NRG2: variants seen among roughly 807,000 people sequenced by gnomAD.
NRG2 encodes the protein neuregulin 2, also known as pro-neuregulin-2, membrane-bound isoform.
NRG2 carries 27 observed loss-of-function variants against 73.9 expected under a neutral mutation model. The ratio of observed to expected loss-of-function variants is 0.37; its 90% CI spans 0.27 to 0.50. The LOEUF is 0.50. Ranked by LOEUF, NRG2 falls within the 20% of genes least tolerant of loss-of-function variation. NRG2 has a pLI of 0.96. For missense variants in NRG2, 1,126 were observed against 1,210.1 expected (o/e 0.93, Z 1.03); for synonymous variants, 532 against 541.0 (o/e 0.98, Z 0.23).
At chr5:139,878,105 T>A (rs1763297220) in intron 3 of NRG2, among the ~76,000 whole-genome samples, 1 of 152,258 alleles carries the variant, frequency 6.6e-6, no homozygotes, top group Admixed American at 6.5e-5. Context: ...CCCCAAGCCC[T>A]GTGCAAGAGA....
intron 1 of NRG2, among the ~76,000 whole-genome samples, chr5:139,912,699 A>G (rs1478448049): frequency 6.6e-6 from 1 of 152,162 alleles, no homozygotes; most frequent in African/African-American, 2.4e-5. Context: ...AAATACCATA[A>G]TTTACCCAGG....
Position 139,981,117 on chromosome 5 carries a change from A to T in NRG2, c.700+61253T>A, listed in dbSNP as rs1006231776. Among the ~76,000 whole-genome samples, 3 of 152,230 alleles carry T rather than the reference A, an allele frequency of 2.0e-5. 1 individual carries two copies. Among genetic ancestry groups the T allele is most frequent in the Non-Finnish European group, 4.4e-5 (3 of 68,040 alleles). Reference sequence around the variant, plus strand: ...GATGAGGACCCAGAATAGAGCCAGCAGCATCTATGCTGGGCTTGCTGTACA... The same window carrying T: ...GATGAGGACCCAGAATAGAGCCAGCTGCATCTATGCTGGGCTTGCTGTACA... On this transcript the variant is annotated intron_variant, in intron 1 of 9. Transcript: ENST00000361474.
At chr5:139,899,690 A>G (rs1208755206) in intron 1 of NRG2, among the ~76,000 whole-genome samples, 1 of 152,172 alleles carries the variant, frequency 6.6e-6, no homozygotes, top group African/African-American at 2.4e-5. Flanking sequence ...TTATCTTTGT[A>G]TCCTCTCAAC....
In NRG2 at chr5:139,848,075, G is replaced by A. The variant is rs1263613825; in HGVS notation, c.2395C>T (p.Arg799Cys). Residue 799 changes from arginine (R) to cysteine (C), a missense_variant, in exon 10 of 10, where the codon CGT becomes TGT. This residue lies in a region of NRG2 where 402 missense variants were observed against 357.8 expected (regional missense o/e 1.12). Coordinates refer to ENST00000361474, the MANE Select transcript of NRG2 (RefSeq NM_004883.3). ...AAESTPFLGL[R>C]GAHDALRSDS... ...GAGCGCAGCGCGTCGTGCGCCCCAC[G>A]CAGGCCCAGGAAAGGTGTGCTCTCG... is the stretch of plus-strand genomic sequence containing the variant. 10 of 1,497,234 alleles carry A rather than the reference G, an allele frequency of 6.7e-6. No homozygotes were observed. The highest frequency in any genetic ancestry group is 8.8e-6 in the Non-Finnish European group (10 of 1,130,418). The allele number at this position is 1,497,234 out of a possible 1,614,324, so 92.7% of individuals were successfully genotyped here.
chr5:140,027,603 G>A (rs910505458), intron 1 of NRG2, among the ~76,000 whole-genome samples: 1 of 152,138 alleles, frequency 6.6e-6, no homozygotes, highest in African/African-American at 2.4e-5. Context: ...AGTATATATT[G>A]TTATAATTGT....
chr5:139,957,659 A>G (rs1275842384), intron 1 of NRG2, among the ~76,000 whole-genome samples: 1 of 152,178 alleles, frequency 6.6e-6, no homozygotes, highest in African/African-American at 2.4e-5. Context: ...TCCTGGGGTG[A>G]GGCACTCACT....
At chr5:139,935,646 C>T (rs1390151040) in intron 1 of NRG2, among the ~76,000 whole-genome samples, 1 of 151,952 alleles carries the variant, frequency 6.6e-6, no homozygotes, top group Non-Finnish European at 1.5e-5. Flanking sequence ...ACAACAGAAA[C>T]TAGAATATAT....
chr5:139,960,729 T>G (rs1248816047), intron 1 of NRG2, among the ~76,000 whole-genome samples: 1 of 152,204 alleles, frequency 6.6e-6, no homozygotes, highest in African/African-American at 2.4e-5. Flanking sequence ...TGCTCAACAT[T>G]GACAACTTAG....
In NRG2 at chr5:139,848,228, G is replaced by C; in HGVS notation, c.2242C>G (p.Leu748Val). The C allele has an allele frequency of 2.6e-6, 3 of 1,171,298 alleles. No homozygotes were observed. Among genetic ancestry groups the C allele is most frequent in the Non-Finnish European group, 3.2e-6 (3 of 950,620 alleles). 72.6% of individuals were successfully genotyped at this position (1,171,298 alleles called of 1,614,324 possible). A position where few individuals can be genotyped will look rare whatever the true frequency, so the allele number is the denominator to read the frequency against. The change falls in exon 10 of 10, where the codon CTC (leucine) becomes GTC (valine). Residue 748 changes from leucine (L) to valine (V), a missense_variant. Leu to Val is a conservative substitution (Grantham distance 32, BLOSUM62 1). This residue lies in a region of NRG2 where 402 missense variants were observed against 357.8 expected (regional missense o/e 1.12). Transcript: ENST00000361474. ...AGPRRWRRSR[L>V]NGLAAQRARA... ...GCGCGCTGCGCCGCCAGCCCGTTGA[G>C]GCGCGAGCGGCGCCAGCGCCGGGGC...
At chr5:139,864,811 G>A (rs1762379032) in intron 5 of NRG2, among the ~76,000 whole-genome samples, 1 of 152,014 alleles carries the variant, frequency 6.6e-6, no homozygotes, top group South Asian at 2.1e-4. Context: ...CCCTCAGGCA[G>A]CCTTCGGAGC....
chr5:139,989,994 T>C (rs1029516362), intron 1 of NRG2, among the ~76,000 whole-genome samples: 1 of 151,366 alleles, frequency 6.6e-6, no homozygotes, highest in Admixed American at 6.6e-5. Context: ...TTCACCATGT[T>C]AGCCAGGATG....
At position 139,968,617 on chromosome 5, in the gene NRG2, C is replaced by T. The variant is rs185767532; in HGVS notation, c.700+73753G>A. On this transcript the variant is annotated intron_variant, in intron 1 of 9. Transcript: ENST00000361474. ...GAAGGGCAGAGGGGTAGCTCCTGAGCGGCAGCGCCAGCTGTCCACACTGGG... is the reference window on the plus strand; with the variant it reads ...GAAGGGCAGAGGGGTAGCTCCTGAGTGGCAGCGCCAGCTGTCCACACTGGG... Among the ~76,000 whole-genome samples the T allele has an allele frequency of 2.7e-3, 413 of 152,304 alleles. 3 individuals are homozygous for T. Among genetic ancestry groups the T allele is most frequent in the African/African-American group, 9.6e-3 (401 of 41,566 alleles).
chr5:139,957,485 T>A (rs994943585), intron 1 of NRG2, among the ~76,000 whole-genome samples: 1 of 151,880 alleles, frequency 6.6e-6, no homozygotes, highest in Non-Finnish European at 1.5e-5. Context: ...GAAGGAGAGG[T>A]CTGCAGAGGC....
intron 1 of NRG2, among the ~76,000 whole-genome samples, chr5:140,032,115 A>G (rs1315353361): frequency 6.6e-6 from 1 of 152,176 alleles, no homozygotes; most frequent in Non-Finnish European, 1.5e-5. Context: ...TCAGCTTACT[A>G]CAGAAAAGGA....
At chr5:139,991,232 C>T (rs1452214297) in intron 1 of NRG2, among the ~76,000 whole-genome samples, 1 of 151,886 alleles carries the variant, frequency 6.6e-6, no homozygotes, top group East Asian at 1.9e-4. Context: ...GCCAAGATCG[C>T]ACCACTGCAC....
intron 1 of NRG2, among the ~76,000 whole-genome samples, chr5:139,923,440 G>A (rs1469705195): frequency 6.6e-6 from 1 of 152,148 alleles, no homozygotes; most frequent in Non-Finnish European, 1.5e-5. Flanking sequence ...GCAGAAGTAG[G>A]TTACCAGGAC....
At chr5:140,013,647 A>G (rs1759542610) in intron 1 of NRG2, among the ~76,000 whole-genome samples, 1 of 152,114 alleles carries the variant, frequency 6.6e-6, no homozygotes, top group Non-Finnish European at 1.5e-5. Flanking sequence ...CTTGCAATAA[A>G]TTCCTTCTCT....
In NRG2 at chr5:140,024,153, G is replaced by A. The variant is rs938340166; in HGVS notation, c.700+18217C>T. 2.0e-5 allele frequency among the ~76,000 whole-genome samples: 3 copies of A among 152,128 alleles called. No individual in the cohort carries two copies. The East Asian group carries it at 5.8e-4, about 29-fold the overall frequency. On this transcript the variant is annotated intron_variant, in intron 1 of 9. Coordinates refer to ENST00000361474, the MANE Select transcript of NRG2 (RefSeq NM_004883.3). The stretch of plus-strand genomic sequence containing the variant: ...ACCCAGCTGGGCAGGGCAGAGGGAC[G>A]AGGTTACCCTATCCTCACTGTATGG...
chr5:140,038,786 A>G (rs1170485140), intron 1 of NRG2, among the ~76,000 whole-genome samples: 1 of 152,162 alleles, frequency 6.6e-6, no homozygotes, highest in African/African-American at 2.4e-5. Flanking sequence ...TACAAGAAAT[A>G]ATGACATTAG....
Sources: allele counts gnomAD v4.1 joint callset (sites outside exome capture counted in the v4.1 genomes callset), GRCh38; gene constraint gnomAD v4.1.1; regional missense constraint gnomAD v4.1.1; transcripts MANE v1.5; gene names NCBI Gene and HGNC (gene_info 2026-07-23, HGNC 2026-07-21).